TMEM62: variants seen among roughly 807,000 people sequenced by gnomAD.
The protein encoded by TMEM62 is transmembrane protein 62.
Under a neutral mutation model 70.4 loss-of-function variants are expected in TMEM62, and 41 were observed. That is an observed-to-expected ratio of 0.58 (90% CI 0.45 to 0.76). The LOEUF (loss-of-function observed/expected upper bound fraction) is 0.76. Ranked by LOEUF, TMEM62 falls within the 30% of genes least tolerant of loss-of-function variation. The pLI, the probability that TMEM62 is intolerant of heterozygous loss-of-function variation, is 0.00. For missense variants in TMEM62, 688 were observed against 788.5 expected (o/e 0.87, Z 1.53); for synonymous variants, 268 against 291.0 (o/e 0.92, Z 0.80).
chr15:43,162,095 A>G (rs2038773276), intron 10 of TMEM62, among the ~76,000 whole-genome samples: 1 of 152,142 alleles, frequency 6.6e-6, no homozygotes, highest in Non-Finnish European at 1.5e-5. Flanking sequence ...ATATTATAAC[A>G]TATTAGCTGC....
upstream of TMEM62, chr15:43,133,535 T>C (rs1191896183): frequency 9.1e-6 from 3 of 329,686 alleles, no homozygotes; most frequent in Non-Finnish European, 1.6e-5. Context: ...GTGTTCAGAG[T>C]TTCGGTTCTC....
chr15:43,172,212 G>T (rs902701745), intron 11 of TMEM62, among the ~76,000 whole-genome samples: 2 of 152,110 alleles, frequency 1.3e-5, no homozygotes, highest in Non-Finnish European at 2.9e-5. Flanking sequence ...CATTTCATGA[G>T]TATCTATTAC....
intron 4 of TMEM62, among the ~76,000 whole-genome samples, chr15:43,139,903 T>C (rs1365787918): frequency 6.6e-6 from 1 of 152,174 alleles, no homozygotes; most frequent in Non-Finnish European, 1.5e-5. Flanking sequence ...ACCCAGAAGA[T>C]CTAGCTAAGA....
At chr15:43,158,093 G>T (rs887255612) in intron 9 of TMEM62, among the ~76,000 whole-genome samples, 14 of 151,998 alleles carry the variant, frequency 9.2e-5, no homozygotes, top group Admixed American at 9.2e-4. Flanking sequence ...CATCCCTGGG[G>T]TATCATTTAA....
At chr15:43,155,026 G>A (rs1298806635) in intron 9 of TMEM62, among the ~76,000 whole-genome samples, 195 bp downstream of exon 9, 2 of 152,074 alleles carry the variant, frequency 1.3e-5, no homozygotes, top group African/African-American at 2.4e-5. Context: ...ATAGGAGTTC[G>A]AGACCAGCCT....
At chr15:43,144,199 CA>C (rs1299039213) in intron 4 of TMEM62, among the ~76,000 whole-genome samples, 1 of 152,038 alleles carries the variant, frequency 6.6e-6, no homozygotes, top group Non-Finnish European at 1.5e-5. Context: ...ATATTTTAGG[CA>C]AAAAGATAGG....
chr15:43,173,855 CTT>C (rs751203696), intron 11 of TMEM62, among the ~76,000 whole-genome samples: 387 of 107,348 alleles, frequency 3.6e-3, no homozygotes, highest in East Asian at 0.013. Context: ...AATGCAGGAA[CTT>C]TTTTTTTTTT....
intron 13 of TMEM62, among the ~76,000 whole-genome samples, chr15:43,183,429 A>G (rs893561504): frequency 7.2e-5 from 11 of 152,142 alleles, no homozygotes; most frequent in African/African-American, 2.7e-4. Flanking sequence ...GACTGCCCCA[A>G]TTTCCACCTG....
At chr15:43,177,348 G>A (rs2040860599) in intron 11 of TMEM62, among the ~76,000 whole-genome samples, 1 of 151,984 alleles carries the variant, frequency 6.6e-6, no homozygotes, top group African/African-American at 2.4e-5. Context: ...AAGTCAGGAA[G>A]CAACAGGTGC....
At position 43,148,767 on chromosome 15, in the gene TMEM62, G is replaced by T; in HGVS notation, c.631G>T (p.Glu211Ter). ...TCTCCCATCTCAGAAAAAGATGGAGGAGCTCTTATTACTGGCCAAGGAAAG... is the reference window on the plus strand; with the variant it reads ...TCTCCCATCTCAGAAAAAGATGGAGTAGCTCTTATTACTGGCCAAGGAAAG... ...FGILDKKKME[E>*]LLLLAKESSR... Residue 211 changes from glutamate (E) to a stop codon, truncating the protein, a stop_gained, in exon 6 of 14, where the codon GAG becomes TAG. Coordinates refer to ENST00000260403, the MANE Select transcript of TMEM62 (RefSeq NM_024956.4). LOFTEE classifies it high-confidence loss of function. The T allele has an allele frequency of 6.2e-7, 1 of 1,613,360 alleles. No homozygotes were observed. The highest frequency in any genetic ancestry group is 1.7e-4 in the Middle Eastern group (1 of 6,056).
At chr15:43,150,885 G>A (rs1043430963) in intron 7 of TMEM62, among the ~76,000 whole-genome samples, 4 of 152,228 alleles carry the variant, frequency 2.6e-5, no homozygotes, top group African/African-American at 9.6e-5. Context: ...GGAATGTGTA[G>A]AGAATTTCGT....
At chr15:43,167,076 C>T (rs1465316141) in intron 10 of TMEM62, among the ~76,000 whole-genome samples, 7 of 152,130 alleles carry the variant, frequency 4.6e-5, no homozygotes, top group Non-Finnish European at 7.4e-5. Context: ...GGGTGGTGGC[C>T]GGGCAGAGGG....
chr15:43,185,013 T>A lies in TMEM62; in HGVS notation c.*427T>A. ...CAGGGGCAGGGAACCTTTGAGGATC[T>A]GGGCCCGACCCTCACTACCCCTGAG... is the stretch of plus-strand genomic sequence containing the variant. On this transcript the variant is annotated 3_prime_UTR_variant, in exon 14 of 14. Coordinates refer to ENST00000260403, the MANE Select transcript of TMEM62 (RefSeq NM_024956.4). 8.0e-6 allele frequency: 2 copies of A among 248,708 alleles called. No homozygotes were observed. Among genetic ancestry groups the A allele is most frequent in the Non-Finnish European group, 1.6e-5 (2 of 127,192 alleles). The allele number at this position is 248,708 out of a possible 1,614,324, so 15.4% of individuals were successfully genotyped here.
In TMEM62 at chr15:43,152,032, G is replaced by C. The variant is rs925000322; in HGVS notation, c.1022+87G>C. The stretch of plus-strand genomic sequence containing the variant: ...GATTGCATTCCCATGTGAAAGCTAT[G>C]AGATGCCCCATTTTAGTTTTCTCAA... On this transcript the variant is annotated intron_variant, in intron 8 of 13. Coordinates refer to ENST00000260403, the MANE Select transcript of TMEM62 (RefSeq NM_024956.4). 4 of 993,314 alleles carry C rather than the reference G, an allele frequency of 4.0e-6. No homozygotes were observed. In the African/African-American group the frequency reaches 6.6e-5, roughly 16 times the overall value. The allele number at this position is 993,314 out of a possible 1,614,324, so 61.5% of individuals were successfully genotyped here.
chr15:43,161,217 GGTTA>G (rs2141843187), intron 10 of TMEM62, among the ~76,000 whole-genome samples: 1 of 152,232 alleles, frequency 6.6e-6, no homozygotes, highest in East Asian at 1.9e-4. Context: ...TAAAATTAAA[GGTTA>G]GTTATTTGTC....
In TMEM62 at chr15:43,133,933, C is replaced by T; in HGVS notation, c.131C>T (p.Pro44Leu). 4 of 1,480,668 alleles carry T rather than the reference C, an allele frequency of 2.7e-6. No homozygotes were observed. In the South Asian group the frequency reaches 3.9e-5, roughly 14 times the overall value. 91.7% of individuals were successfully genotyped at this position (1,480,668 alleles called of 1,614,324 possible). Residue 44 changes from proline to leucine, a missense_variant, in exon 1 of 14, where the codon CCG becomes CTG. Physicochemically the swap from Pro to Leu is moderately conservative, Grantham distance 98 (BLOSUM62 -3). Coordinates refer to ENST00000260403, the MANE Select transcript of TMEM62 (RefSeq NM_024956.4). ...PLPRPAPPRR[P>L]HPAPGPGDSN... ...CCGCGCCCCGCGCCCCCCAGGAGGC[C>T]GCACCCTGCGCCAGGGCCCGGAGAC...
At chr15:43,163,350 T>C (rs2038985639) in intron 10 of TMEM62, among the ~76,000 whole-genome samples, 1 of 152,178 alleles carries the variant, frequency 6.6e-6, no homozygotes, top group Non-Finnish European at 1.5e-5. Context: ...TTCAGACATA[T>C]TATTAATAAG....
At chr15:43,184,017 G>C in intron 13 of TMEM62, 1 of 570,256 alleles carries the variant, frequency 1.8e-6, no homozygotes, top group Non-Finnish European at 3.1e-6. Context: ...ATATGATACT[G>C]TACTACAAGT....
At chr15:43,176,437 G>C (rs539306426) in intron 11 of TMEM62, among the ~76,000 whole-genome samples, 100 of 152,352 alleles carry the variant, frequency 6.6e-4, no homozygotes, top group African/African-American at 2.3e-3. Context: ...GGCACCCCCA[G>C]TAGGGGCAGA....
Sources: gnomAD v4.1 joint callset for allele counts (sites outside exome capture counted in the v4.1 genomes callset) on GRCh38, gnomAD v4.1.1 for gene constraint, MANE v1.5 for transcripts, NCBI Gene and HGNC (gene_info 2026-07-23, HGNC 2026-07-21) for gene names.